Variants in SF3A1 observed in about 807,000 individuals in gnomAD.
SF3A1 encodes splicing factor 3a subunit 1.
In SF3A1, 13 loss-of-function variants were observed where a neutral mutation model predicts 89.9. The ratio of observed to expected loss-of-function variants is 0.14; its 90% CI spans 0.09 to 0.23. The LOEUF (loss-of-function observed/expected upper bound fraction) is 0.23. Ranked by LOEUF, SF3A1 falls within the 10% of genes least tolerant of loss-of-function variation. The pLI, the probability that SF3A1 is intolerant of heterozygous loss-of-function variation, is 1.00. For synonymous variants in SF3A1, 405 were observed against 374.4 expected (o/e 1.08, Z -0.94); for missense variants, 604 against 1,022.1 (o/e 0.59, Z 5.58).
rs764798200 is a variant in SF3A1 at position 30,341,764 on chromosome 22, ATCC to A, written c.996_998del (p.Glu332del). On this transcript the variant is annotated inframe_deletion, in exon 7 of 16. Transcript: ENST00000215793. ...GCTCCTCCGCCTTCTCCTGTTTGTCATCCTCCTCATCAGACTCGACCTCCATCT... is the reference window on the plus strand; with the variant it reads ...GCTCCTCCGCCTTCTCCTGTTTGTCATCCTCATCAGACTCGACCTCCATCT... The A allele has an allele frequency of 1.9e-5, 30 of 1,613,882 alleles. No individual in the cohort carries two copies. Among genetic ancestry groups the A allele is most frequent in the Non-Finnish European group, 2.1e-5 (25 of 1,180,004 alleles).
intron 6 of SF3A1, 60 bp downstream of exon 6, chr22:30,342,140 G>GA: frequency 6.3e-7 from 1 of 1,590,276 alleles, no homozygotes; most frequent in South Asian, 1.1e-5. Context: ...ACCTGCACCA[G>GA]GTTTCCCGGG....
Position 30,344,954 on chromosome 22 carries a change from C to G in SF3A1, c.630G>C (p.Lys210Asn), listed in dbSNP as rs867283568. 2 of 1,614,220 alleles carry G rather than the reference C, an allele frequency of 1.2e-6. No individual in the cohort carries two copies. Among genetic ancestry groups the G allele is most frequent in the South Asian group, 2.2e-5 (2 of 91,090 alleles). ...PQHSLFNYFT[K>N]LVEQYTKILI... The stretch of plus-strand genomic sequence containing the variant: ...GCACCTTGGTGTACTGTTCCACTAG[C>G]TTCGTGAAGTAGTTGAAGAGGCTGT... Residue 210 changes from lysine (K) to asparagine (N), a missense_variant, in exon 4 of 16, where the codon AAG becomes AAC. Coordinates refer to ENST00000215793, the MANE Select transcript of SF3A1 (RefSeq NM_005877.6).
At chr22:30,340,565 C>CA in intron 8 of SF3A1, 130 bp downstream of exon 8, 1 of 847,250 alleles carries the variant, frequency 1.2e-6, no homozygotes. Flanking sequence ...AAACCTGTAA[C>CA]AGACGGGCTT....
In SF3A1 at chr22:30,338,832, G is replaced by A. The variant is rs1171385849; in HGVS notation, c.1700C>T (p.Pro567Leu). ...PPPPSSATNIPSSAPPITSVP... is the reference protein window; with the variant it reads ...PPPPSSATNILSSAPPITSVP... ...TGAAGTGATGGGTGGAGCCGAGCTG[G>A]GGATGTTGGTGGCTGAAGATGGTGG... is the stretch of plus-strand genomic sequence containing the variant. The change falls in exon 11 of 16, where the codon CCC (proline) becomes CTC (leucine). Residue 567 changes from proline (P) to leucine (L), a missense_variant. Physicochemically the swap from Pro to Leu is moderately conservative, Grantham distance 98. Around this residue, in one of 9 missense-constraint regions of SF3A1, gnomAD observed 85 missense variants for 137.3 expected, o/e 0.62. Transcript: ENST00000215793. The A allele has an allele frequency of 6.2e-7, 1 of 1,614,028 alleles. No homozygotes were observed. The highest frequency in any genetic ancestry group is 8.5e-7 in the Non-Finnish European group (1 of 1,179,994).
intron 2 of SF3A1, among the ~76,000 whole-genome samples, chr22:30,347,115 G>T (rs553158428): frequency 6.6e-6 from 1 of 152,186 alleles, no homozygotes; most frequent in East Asian, 1.9e-4. Flanking sequence ...AACAAGAAAA[G>T]ACCCTAACTC....
intron 1 of SF3A1, among the ~76,000 whole-genome samples, chr22:30,353,507 A>T (rs556612037): frequency 5.9e-4 from 90 of 152,374 alleles, no homozygotes; most frequent in Non-Finnish European, 3.5e-4. Flanking sequence ...CCTGGTGGTT[A>T]AAATAATAAT....
chr22:30,354,898 T>G (rs543314747), intron 1 of SF3A1, among the ~76,000 whole-genome samples: 8 of 152,340 alleles, frequency 5.3e-5, no homozygotes, highest in African/African-American at 1.9e-4. Flanking sequence ...CATTCCAGCC[T>G]GGGTGACAGA....
intron 12 of SF3A1, 22 bp downstream of exon 12, chr22:30,337,668 A>C: frequency 1.0e-6 from 1 of 974,038 alleles, no homozygotes; most frequent in Non-Finnish European, 1.5e-6. Context: ...ATGGCCTGGA[A>C]AATGATGCAA....
intron 2 of SF3A1, among the ~76,000 whole-genome samples, chr22:30,351,396 G>C (rs1016189597): frequency 2.0e-5 from 3 of 152,200 alleles, no homozygotes; most frequent in Admixed American, 2.0e-4. Context: ...GATGCATACT[G>C]ACTGAGACAC....
At chr22:30,337,542 G>T in intron 12 of SF3A1, 148 bp downstream of exon 12, 1 of 700,816 alleles carries the variant, frequency 1.4e-6, no homozygotes, top group Non-Finnish European at 2.6e-6. Flanking sequence ...CTAGGGTTGC[G>T]GATCTTTCAA....
At chr22:30,348,602 G>A (rs1466322503) in intron 2 of SF3A1, among the ~76,000 whole-genome samples, 1 of 152,168 alleles carries the variant, frequency 6.6e-6, no homozygotes, top group African/African-American at 2.4e-5. Context: ...CACCCAGGCT[G>A]GCTCCTCAGC....
chr22:30,353,159 A>C lies in SF3A1; in HGVS notation c.64-87T>G, dbSNP rs1296936836. ...GTAAAACTCCTCTAGGATATCATTC[A>C]GAGTAGACTTTCATTCACAGACTTC... On this transcript the variant is annotated intron_variant, in intron 1 of 15. Transcript: ENST00000215793. The C allele has an allele frequency of 2.0e-6, 3 of 1,501,720 alleles. No individual in the cohort carries two copies. In the East Asian group the frequency reaches 6.9e-5, roughly 34 times the overall value. 93.0% of individuals were successfully genotyped at this position (1,501,720 alleles called of 1,614,324 possible).
intron 2 of SF3A1, among the ~76,000 whole-genome samples, chr22:30,348,967 C>T (rs1247964555): frequency 6.6e-6 from 1 of 152,134 alleles, no homozygotes; most frequent in Admixed American, 6.5e-5. Context: ...ATTAGCTTAA[C>T]GTTAATTTTA....
Position 30,346,448 on chromosome 22 carries a change from G to A in SF3A1, c.257C>T (p.Pro86Leu), listed in dbSNP as rs1174457219. Reference sequence around the variant, plus strand: ...GTAGTAGGCATGGTAAGGGTCATTGGGGTTCAGAAAGTTGAACTTGGGGTT... The same window carrying A: ...GTAGTAGGCATGGTAAGGGTCATTGAGGTTCAGAAAGTTGAACTTGGGGTT... The part of the protein sequence containing the change: ...INNPKFNFLN[P>L]NDPYHAYYRH... The change falls in exon 3 of 16, where the codon CCC becomes CTC. Residue 86 changes from proline (P) to leucine (L), a missense_variant. Pro to Leu is a moderately conservative substitution (Grantham distance 98). Transcript: ENST00000215793. 1 of 1,614,070 alleles carries A rather than the reference G, an allele frequency of 6.2e-7. No individual in the cohort carries two copies. Among genetic ancestry groups the A allele is most frequent in the East Asian group, 2.2e-5 (1 of 44,874 alleles).
Position 30,335,462 on chromosome 22 carries a change from C to A in SF3A1, c.2280+5G>T. 1 of 1,613,566 alleles carries A rather than the reference C, an allele frequency of 6.2e-7. No homozygotes were observed. The highest frequency in any genetic ancestry group is 1.7e-5 in the Admixed American group (1 of 60,018). ...AGGGACAGGTCTGTGGACAAACTGA[C>A]TCACCTCATACTGTAGCTTCTGTTT... On this transcript the variant is annotated splice_donor_5th_base_variant and intron_variant, in intron 15 of 15. Transcript: ENST00000215793.
chr22:30,350,468 C>A (rs1418803836), intron 2 of SF3A1, among the ~76,000 whole-genome samples: 2 of 152,012 alleles, frequency 1.3e-5, no homozygotes, highest in Non-Finnish European at 2.9e-5. Context: ...CGTGTCAGAA[C>A]GAGACTCTGT....
chr22:30,351,558 G>A (rs1346445030), intron 2 of SF3A1, among the ~76,000 whole-genome samples: 3 of 152,072 alleles, frequency 2.0e-5, no homozygotes, highest in Non-Finnish European at 4.4e-5. Context: ...TGTCACCCAG[G>A]CTAGAGTCCA....
intron 1 of SF3A1, among the ~76,000 whole-genome samples, chr22:30,355,256 CT>C (rs1015052356): frequency 3.3e-5 from 5 of 152,188 alleles, no homozygotes; most frequent in Non-Finnish European, 2.9e-5. Flanking sequence ...AGTGATCTGT[CT>C]GCCTCGGCCT....
At chr22:30,342,001 C>T in intron 6 of SF3A1, 116 bp from the exon 7 acceptor site, 1 of 1,215,846 alleles carries the variant, frequency 8.2e-7, no homozygotes, top group Non-Finnish European at 1.2e-6. Flanking sequence ...TCTCCAGAGG[C>T]CCATCTAGGG....
Sources: allele counts gnomAD v4.1 joint callset (sites outside exome capture counted in the v4.1 genomes callset), GRCh38; gene constraint gnomAD v4.1.1; regional missense constraint gnomAD v4.1.1; transcripts MANE v1.5; gene names NCBI Gene and HGNC (gene_info 2026-07-23, HGNC 2026-07-21).